CDH13: variants seen among roughly 807,000 people sequenced by gnomAD.
CDH13 encodes cadherin-13.
Under a neutral mutation model 63.8 loss-of-function variants are expected in CDH13, and 24 were observed. The observed-to-expected ratio is 0.38, with a 90% CI of 0.27 to 0.53. The LOEUF (loss-of-function observed/expected upper bound fraction) is 0.53, where lower values mean the gene tolerates loss of function less well. Ranked by LOEUF, CDH13 falls within the 20% of genes least tolerant of loss-of-function variation. CDH13 has a pLI of 0.85. For missense variants in CDH13, 1,049 were observed against 903.1 expected, an observed-to-expected ratio of 1.16 and a Z score of -2.07; for synonymous variants, 503 against 355.3, an observed-to-expected ratio of 1.42 and a Z score of -4.67.
At chr16:83,125,583 G>A (rs1597379604) in intron 4 of CDH13, 82 bp downstream of exon 4, 14 of 728,108 alleles carry the variant, frequency 1.9e-5, no homozygotes, top group Middle Eastern at 2.4e-4. Flanking sequence ...CTGTCTTGGT[G>A]ACCAGCTGGA....
At chr16:83,507,073 G>T (rs2074414602) in intron 7 of CDH13, among the ~76,000 whole-genome samples, 1 of 152,192 alleles carries the variant, frequency 6.6e-6, no homozygotes, top group African/African-American at 2.4e-5. Flanking sequence ...TGTTTCACCA[G>T]CTAAAATTGC....
chr16:83,369,054 G>A (rs2091313074), intron 6 of CDH13, among the ~76,000 whole-genome samples: 1 of 150,620 alleles, frequency 6.6e-6, no homozygotes, highest in African/African-American at 2.4e-5. Context: ...TTCGTATAAT[G>A]ACTTCTTTTC....
chr16:83,120,355 G>C (rs2035509677), intron 3 of CDH13, among the ~76,000 whole-genome samples: 1 of 152,168 alleles, frequency 6.6e-6, no homozygotes, highest in African/African-American at 2.4e-5. Context: ...TGACCACTCT[G>C]GACACCCGTG....
intron 9 of CDH13, among the ~76,000 whole-genome samples, chr16:83,672,568 G>C (rs1438640101): frequency 4.6e-5 from 7 of 151,690 alleles, no homozygotes; most frequent in Admixed American, 2.6e-4. Flanking sequence ...GGGATTACAG[G>C]TGCATGCCAC....
rs555006817 is a variant in CDH13, at chr16:83,044,792, G to C, written c.366+12574G>C. On this transcript the variant is annotated intron_variant, in intron 3 of 13. Transcript: ENST00000567109. ...GTGGCAGCCAGTGCGGCCATCCACA[G>C]GCTTTCCCAAGTGCATCGCTGCAGC... Among the ~76,000 whole-genome samples, 9 of 152,286 alleles carry C rather than the reference G, an allele frequency of 5.9e-5. No individual in the cohort carries two copies. In the South Asian group the frequency reaches 1.9e-3, roughly 32 times the overall value.
intron 6 of CDH13, among the ~76,000 whole-genome samples, chr16:83,423,802 C>G (rs2071793815): frequency 6.6e-6 from 1 of 152,198 alleles, no homozygotes. Context: ...GTTCTGGTGG[C>G]CCTTGAGCAT....
At chr16:83,049,371 C>G (rs1172868201) in intron 3 of CDH13, among the ~76,000 whole-genome samples, 1 of 145,900 alleles carries the variant, frequency 6.9e-6, no homozygotes, top group Admixed American at 6.9e-5. Context: ...CTCTGTCGCC[C>G]AGGTTGGGGT....
intron 7 of CDH13, among the ~76,000 whole-genome samples, chr16:83,492,898 T>C (rs1213997641): frequency 6.6e-6 from 1 of 152,222 alleles, no homozygotes; most frequent in Non-Finnish European, 1.5e-5. Context: ...TAGTGTGACC[T>C]ATCAATCCAT....
chr16:82,804,133 C>G (rs919713876), intron 1 of CDH13, among the ~76,000 whole-genome samples: 4 of 129,066 alleles, frequency 3.1e-5, no homozygotes, highest in Non-Finnish European at 6.5e-5. Flanking sequence ...GAGGCTGAGG[C>G]AAGAGAATCG....
At chr16:82,698,044 T>C (rs1287308635) in intron 1 of CDH13, among the ~76,000 whole-genome samples, 4 of 151,990 alleles carry the variant, frequency 2.6e-5, no homozygotes, top group Non-Finnish European at 4.4e-5. Flanking sequence ...GAAGTATCTG[T>C]TGAATGGATG....
intron 1 of CDH13, among the ~76,000 whole-genome samples, chr16:82,756,169 G>A (rs184146225): frequency 1.8e-3 from 274 of 152,248 alleles, no homozygotes; most frequent in Middle Eastern, 3.4e-3. Flanking sequence ...ATTTCTATTT[G>A]TTGCTAGGGT....
chr16:83,467,851 A>C (rs868846460), intron 6 of CDH13, among the ~76,000 whole-genome samples: 23 of 152,108 alleles, frequency 1.5e-4, no homozygotes, highest in African/African-American at 5.6e-4. Context: ...CGATGTGCAC[A>C]CTGGTACTCA....
At chr16:82,908,506 AT>A (rs955956584) in intron 2 of CDH13, among the ~76,000 whole-genome samples, 19 of 152,208 alleles carry the variant, frequency 1.2e-4, no homozygotes, top group African/African-American at 4.3e-4. Context: ...AGATGAAGGC[AT>A]TTTTTAAACA....
chr16:83,353,200 A>G (rs949056304), intron 6 of CDH13, among the ~76,000 whole-genome samples: 3 of 152,286 alleles, frequency 2.0e-5, no homozygotes, highest in Admixed American at 6.5e-5. Context: ...ACGAAACTGC[A>G]CTTGTACTGT....
At chr16:83,767,677 G>C (rs115336678) in intron 11 of CDH13, among the ~76,000 whole-genome samples, 1,910 of 152,232 alleles carry the variant, frequency 0.013, 51 homozygotes, top group African/African-American at 0.044. Flanking sequence ...AAAAAAGAAT[G>C]AAGTATTAAT....
At position 83,602,130 on chromosome 16, in the gene CDH13, AAAAAAAAAAAAAACC is replaced by A. The variant is rs1427576602; in HGVS notation, c.961-323_961-309del. Among the ~76,000 whole-genome samples the A allele has an allele frequency of 7.8e-4, 80 of 102,160 alleles. 2 individuals are homozygous for A. The highest frequency in any genetic ancestry group is 7.6e-3 in the East Asian group (30 of 3,956). The allele number at this position is 102,160 out of a possible 152,430, so 67.0% of individuals were successfully genotyped here. On this transcript the variant is annotated intron_variant, in intron 7 of 13. Coordinates refer to ENST00000567109, the MANE Select transcript of CDH13 (RefSeq NM_001257.5). Reference sequence around the variant, plus strand: ...AACAAAAAAAAAAAAAAAAAAAAAAAAAAAAAAAAAAAACCCAAAGGACAATGTATACCCAAGCCC... The same window carrying A: ...AACAAAAAAAAAAAAAAAAAAAAAAACAAAGGACAATGTATACCCAAGCCC...
At chr16:82,765,560 C>T (rs980795067) in intron 1 of CDH13, among the ~76,000 whole-genome samples, 2 of 152,100 alleles carry the variant, frequency 1.3e-5, no homozygotes, top group African/African-American at 2.4e-5. Context: ...AATGGGGAAT[C>T]TACATTGTGC....
chr16:83,049,403 C>G (rs944269484), intron 3 of CDH13, among the ~76,000 whole-genome samples: 5 of 138,538 alleles, frequency 3.6e-5, no homozygotes, highest in African/African-American at 1.4e-4. Context: ...GGTGCGATCT[C>G]TATTCACTGC....
intron 7 of CDH13, among the ~76,000 whole-genome samples, chr16:83,502,993 C>T (rs569852008): frequency 6.6e-6 from 1 of 152,318 alleles, no homozygotes; most frequent in South Asian, 2.1e-4. Flanking sequence ...TTGGCCCTCA[C>T]AAGGGCACAG....
Sources: gnomAD v4.1 joint callset for allele counts (sites outside exome capture counted in the v4.1 genomes callset) on GRCh38, gnomAD v4.1.1 for gene constraint, MANE v1.5 for transcripts, NCBI Gene and HGNC (gene_info 2026-07-23, HGNC 2026-07-21) for gene names.